Variants in DCC observed in about 807,000 individuals in gnomAD.
The protein encoded by DCC is netrin receptor DCC.
A neutral mutation model predicts 172.5 loss-of-function variants in DCC; 58 were observed. That is an observed-to-expected ratio of 0.34 (90% CI 0.27 to 0.42). The LOEUF is 0.42. DCC is among the 10% of genes least tolerant of loss of function. The pLI is 1.00. For synonymous variants in DCC, 709 were observed against 644.5 expected, an observed-to-expected ratio of 1.10 and a Z score of -1.52; for missense variants, 1,740 against 1,791.0, an observed-to-expected ratio of 0.97 and a Z score of 0.51.
At chr18:53,385,677 C>T (rs1908110191) in intron 15 of DCC, among the ~76,000 whole-genome samples, 1 of 152,138 alleles carries the variant, frequency 6.6e-6, no homozygotes, top group African/African-American at 2.4e-5. Context: ...TTTGATGCTT[C>T]CCTTTGATGT....
chr18:52,460,830 G>C (rs1457352889), intron 1 of DCC, among the ~76,000 whole-genome samples: 1 of 152,176 alleles, frequency 6.6e-6, no homozygotes. Context: ...CATGAATGGA[G>C]CTTACAGGAC....
chr18:52,882,580 C>T (rs1395144397), intron 2 of DCC, among the ~76,000 whole-genome samples: 1 of 151,682 alleles, frequency 6.6e-6, no homozygotes, highest in Non-Finnish European at 1.5e-5. Context: ...TCCAAAATGC[C>T]TCTGGTTATT....
At chr18:53,462,821 G>GA (rs1555675156) in intron 24 of DCC, among the ~76,000 whole-genome samples, 1 of 152,118 alleles carries the variant, frequency 6.6e-6, no homozygotes, top group Non-Finnish European at 1.5e-5. Context: ...AGGCCTCTGG[G>GA]AAATTCCAGC....
intron 21 of DCC, among the ~76,000 whole-genome samples, chr18:53,432,114 A>G (rs1911656190): frequency 6.6e-6 from 1 of 152,166 alleles, no homozygotes. Context: ...AGTTCTTTTA[A>G]TAATACTTTT....
chr18:53,382,086 A>ATG (rs1907795960), intron 15 of DCC, among the ~76,000 whole-genome samples: 2 of 117,112 alleles, frequency 1.7e-5, no homozygotes, highest in South Asian at 2.6e-4. Context: ...ACACACACAC[A>ATG]CACACACACA....
At chr18:52,901,170 C>T (rs1026674539) in intron 2 of DCC, among the ~76,000 whole-genome samples, 16 of 152,158 alleles carry the variant, frequency 1.1e-4, no homozygotes, top group East Asian at 5.8e-4. Flanking sequence ...CAGTGACTCA[C>T]GCCTGTGATC....
At chr18:52,814,691 TATTTA>T (rs1229557518) in intron 2 of DCC, among the ~76,000 whole-genome samples, 6 of 152,232 alleles carry the variant, frequency 3.9e-5, no homozygotes, top group South Asian at 2.1e-4. Context: ...AAATATAAAC[TATTTA>T]ATTAGAATTC....
chr18:52,553,969 C>A (rs1377554635), intron 1 of DCC, among the ~76,000 whole-genome samples: 1 of 152,018 alleles, frequency 6.6e-6, no homozygotes, highest in Non-Finnish European at 1.5e-5. Flanking sequence ...AGGTTCAATT[C>A]CCTCTCTATA....
chr18:53,432,454 C>T (rs1157056741), intron 21 of DCC, among the ~76,000 whole-genome samples: 2 of 152,096 alleles, frequency 1.3e-5, no homozygotes, highest in Non-Finnish European at 2.9e-5. Context: ...AATAAAATGA[C>T]CTCTGGGATA....
intron 2 of DCC, among the ~76,000 whole-genome samples, chr18:52,779,805 T>C (rs150691821): frequency 6.6e-5 from 10 of 152,198 alleles, no homozygotes; most frequent in African/African-American, 2.2e-4. Context: ...TCATATCCTC[T>C]CCAGCATCTG....
intron 1 of DCC, among the ~76,000 whole-genome samples, chr18:52,374,759 T>G (rs766860489): frequency 5.3e-5 from 8 of 152,188 alleles, no homozygotes; most frequent in Non-Finnish European, 8.8e-5. Context: ...GACCCATTAG[T>G]CTTTAGTCAG....
rs567150474 is a variant in DCC at position 53,009,065 on chromosome 18, C to T, written c.986-54240C>T. On this transcript the variant is annotated intron_variant, in intron 5 of 28. Transcript: ENST00000442544. ...TCATCATCATTAATCATCCTCATGC[C>T]GCTCTGTGGATTCCTCATCTCACAG... Among the ~76,000 whole-genome samples, 7 of 151,914 alleles carry T rather than the reference C, an allele frequency of 4.6e-5. No homozygotes were observed. In the South Asian group the frequency reaches 8.3e-4, roughly 18 times the overall value.
At chr18:52,944,661 C>G (rs1352783535) in intron 5 of DCC, among the ~76,000 whole-genome samples, 1 of 152,074 alleles carries the variant, frequency 6.6e-6, no homozygotes, top group African/African-American at 2.4e-5. Context: ...GTTAGAAATG[C>G]AAAATTTTGG....
intron 1 of DCC, among the ~76,000 whole-genome samples, chr18:52,732,184 A>G (rs2145095794): frequency 6.6e-6 from 1 of 152,278 alleles, no homozygotes; most frequent in South Asian, 2.1e-4. Context: ...CATACCCACG[A>G]AGTGATGGTA....
intron 7 of DCC, among the ~76,000 whole-genome samples, chr18:53,105,978 C>T (rs1237049071): frequency 6.6e-6 from 1 of 151,184 alleles, no homozygotes; most frequent in Non-Finnish European, 1.5e-5. Context: ...AGTAATCTGA[C>T]AAGCAGAGGC....
At chr18:52,769,916 G>T (rs983053368) in intron 2 of DCC, among the ~76,000 whole-genome samples, 3 of 152,110 alleles carry the variant, frequency 2.0e-5, no homozygotes, top group African/African-American at 7.2e-5. Context: ...CATTTTTAGT[G>T]TGTTTATTTC....
chr18:53,523,796 T>C lies in DCC; in HGVS notation c.4112-2821T>C, dbSNP rs117441986. On this transcript the variant is annotated intron_variant, in intron 27 of 28. Coordinates refer to ENST00000442544, the MANE Select transcript of DCC (RefSeq NM_005215.4). The stretch of plus-strand genomic sequence containing the variant: ...GGGGGAGGGATAGCATTAGGACAAC[T>C]AATGTAGATGACAGGTTGATGGGTG... Among the ~76,000 whole-genome samples the C allele has an allele frequency of 1.3e-3, 200 of 152,010 alleles. No individual in the cohort carries two copies. The East Asian group carries it at 0.019, about 14-fold the overall frequency.
chr18:52,812,375 A>C (rs1247910911), intron 2 of DCC, among the ~76,000 whole-genome samples: 1 of 152,212 alleles, frequency 6.6e-6, no homozygotes, highest in Non-Finnish European at 1.5e-5. Flanking sequence ...TTGACAAGTT[A>C]ATTGTGATTT....
At chr18:53,054,308 T>C (rs1053176884) in intron 5 of DCC, among the ~76,000 whole-genome samples, 1 of 152,016 alleles carries the variant, frequency 6.6e-6, no homozygotes, top group African/African-American at 2.4e-5. Context: ...TTAATTCTCA[T>C]TAGAGAATGT....
Sources: gnomAD v4.1 joint callset for allele counts (sites outside exome capture counted in the v4.1 genomes callset) on GRCh38, gnomAD v4.1.1 for gene constraint, MANE v1.5 for transcripts, NCBI Gene and HGNC (gene_info 2026-07-23, HGNC 2026-07-21) for gene names.